The following PPP3CA variants were observed in gnomAD, a reference collection of about 807,000 sequenced individuals.
PPP3CA encodes the protein CAM-PRP catalytic subunit.
In PPP3CA, 14 loss-of-function variants were observed where a neutral mutation model predicts 66.5. That is an observed-to-expected ratio of 0.21 (90% confidence interval 0.14 to 0.33). The LOEUF (loss-of-function observed/expected upper bound fraction) is 0.33. Among genes scored for constraint, PPP3CA ranks in the 10% least tolerant of loss-of-function variants. The pLI is 1.00. For missense variants in PPP3CA, 317 were observed against 639.5 expected, an observed-to-expected ratio of 0.50 and a Z score of 5.44; for synonymous variants, 232 against 226.2, an observed-to-expected ratio of 1.03 and a Z score of -0.23.
intron 1 of PPP3CA, among the ~76,000 whole-genome samples, chr4:101,344,362 A>G (rs1729912728): frequency 6.6e-6 from 1 of 152,216 alleles, no homozygotes; most frequent in Non-Finnish European, 1.5e-5. Flanking sequence ...CAAAAGGTTG[A>G]ATCCAACCTT....
chr4:101,255,999 T>G (rs1365486782), intron 1 of PPP3CA, among the ~76,000 whole-genome samples: 1 of 151,936 alleles, frequency 6.6e-6, no homozygotes, highest in East Asian at 1.9e-4. Flanking sequence ...GCCTAAACTA[T>G]GGTCATTAGA....
intron 5 of PPP3CA, among the ~76,000 whole-genome samples, chr4:101,096,443 G>C (rs1023178009): frequency 2.6e-5 from 4 of 152,136 alleles, no homozygotes; most frequent in Non-Finnish European, 5.9e-5. Context: ...CAACCTTTTT[G>C]CTGGTGATTG....
chr4:101,043,223 A>G (rs1727607428), intron 10 of PPP3CA, among the ~76,000 whole-genome samples: 1 of 152,178 alleles, frequency 6.6e-6, no homozygotes, highest in Non-Finnish European at 1.5e-5. Context: ...AAAAATATAT[A>G]TGAAGAATAA....
chr4:101,137,109 T>A (rs187831556), intron 2 of PPP3CA, among the ~76,000 whole-genome samples: 1 of 152,286 alleles, frequency 6.6e-6, no homozygotes, highest in East Asian at 1.9e-4. Context: ...TAGTATAATT[T>A]TCCTTGACTG....
At chr4:101,249,490 T>G (rs1013393021) in intron 1 of PPP3CA, among the ~76,000 whole-genome samples, 6 of 151,976 alleles carry the variant, frequency 3.9e-5, no homozygotes, top group Non-Finnish European at 7.4e-5. Flanking sequence ...GTGTGTGTGT[T>G]TTTTAGTACA....
In PPP3CA at chr4:101,121,798, T is replaced by C. The variant is rs969057413; in HGVS notation, c.260-12720A>G. On this transcript the variant is annotated intron_variant, in intron 2 of 13. Transcript: ENST00000394854. ...ATACAACTGATTTTCTCAAGGAACA[T>C]AGAGTATGCTTGGGATATACAGACT... Among the ~76,000 whole-genome samples the C allele has an allele frequency of 3.9e-5, 6 of 152,132 alleles. No individual in the cohort carries two copies. In the East Asian group the frequency reaches 1.2e-3, roughly 29 times the overall value.
intron 11 of PPP3CA, among the ~76,000 whole-genome samples, chr4:101,034,150 T>C (rs1727137654): frequency 6.6e-6 from 1 of 152,160 alleles, no homozygotes; most frequent in African/African-American, 2.4e-5. Context: ...CACACTCTCC[T>C]GTTCGCACCC....
At chr4:101,188,697 CTT>C (rs567569702) in intron 2 of PPP3CA, among the ~76,000 whole-genome samples, 50 of 152,170 alleles carry the variant, frequency 3.3e-4, no homozygotes, top group African/African-American at 1.1e-3. Context: ...AACAGACTGA[CTT>C]AGGTATCAAA....
At chr4:101,251,420 G>T (rs543842287) in intron 1 of PPP3CA, among the ~76,000 whole-genome samples, 2 of 151,324 alleles carry the variant, frequency 1.3e-5, no homozygotes, top group African/African-American at 2.4e-5. Context: ...TGACTGACAC[G>T]CAGTATTCTT....
intron 9 of PPP3CA, 50 bp from the exon 10 acceptor site, chr4:101,061,211 T>C: frequency 6.7e-7 from 1 of 1,482,852 alleles, no homozygotes; most frequent in Non-Finnish European, 9.4e-7. Flanking sequence ...TGTTATAACC[T>C]TAACTATTAC....
intron 10 of PPP3CA, among the ~76,000 whole-genome samples, chr4:101,058,218 T>A (rs1728308545): frequency 6.6e-6 from 1 of 152,194 alleles, no homozygotes; most frequent in Non-Finnish European, 1.5e-5. Context: ...GGACTTTTAA[T>A]ATGCATTGAA....
rs144761118 is a variant in PPP3CA, at chr4:101,311,735, G to A, written c.58+35004C>T. Among the ~76,000 whole-genome samples, 239 of 152,292 alleles carry A rather than the reference G, an allele frequency of 1.6e-3. 1 individual carries two copies. Among genetic ancestry groups the A allele is most frequent in the African/African-American group, 5.3e-3 (222 of 41,558 alleles). On this transcript the variant is annotated intron_variant, in intron 1 of 13. Transcript: ENST00000394854. Reference sequence around the variant, plus strand: ...GTGGAAGTTGCAGTGATCTGAGATCGTGCCACTGCACTTCAGCCTGGGGGA... The same window carrying A: ...GTGGAAGTTGCAGTGATCTGAGATCATGCCACTGCACTTCAGCCTGGGGGA...
intron 2 of PPP3CA, among the ~76,000 whole-genome samples, chr4:101,167,799 C>G (rs1029415531): frequency 6.6e-6 from 1 of 152,048 alleles, no homozygotes; most frequent in African/African-American, 2.4e-5. Flanking sequence ...AGGACACAAA[C>G]TACAGAACAT....
chr4:101,242,895 C>T (rs1318925327), intron 1 of PPP3CA, among the ~76,000 whole-genome samples: 1 of 152,092 alleles, frequency 6.6e-6, no homozygotes, highest in Non-Finnish European at 1.5e-5. Flanking sequence ...ATACTGCACT[C>T]CAGCCTAGGT....
chr4:101,182,095 A>G (rs891345241), intron 2 of PPP3CA, among the ~76,000 whole-genome samples: 6 of 152,188 alleles, frequency 3.9e-5, no homozygotes. Context: ...TAATTGCATA[A>G]AAGTATCTCT....
At chr4:101,138,539 T>C (rs1722695465) in intron 2 of PPP3CA, among the ~76,000 whole-genome samples, 1 of 152,228 alleles carries the variant, frequency 6.6e-6, no homozygotes, top group Non-Finnish European at 1.5e-5. Flanking sequence ...AATATTTATC[T>C]ACTGAAAAGT....
chr4:101,027,382 T>C (rs1726706408), intron 13 of PPP3CA, among the ~76,000 whole-genome samples: 1 of 152,126 alleles, frequency 6.6e-6, no homozygotes, highest in South Asian at 2.1e-4. Flanking sequence ...GTTGTTTCAA[T>C]ACTCATTAAA....
intron 2 of PPP3CA, chr4:101,171,365 A>C (rs1256904804): frequency 2.8e-5 from 10 of 351,882 alleles, no homozygotes; most frequent in African/African-American, 8.6e-5. Flanking sequence ...AAAAAAAAAA[A>C]CCCTTCAAAG....
At chr4:101,290,302 T>C (rs1727982298) in intron 1 of PPP3CA, among the ~76,000 whole-genome samples, 1 of 152,216 alleles carries the variant, frequency 6.6e-6, no homozygotes, top group African/African-American at 2.4e-5. Context: ...TCCCAGGAAT[T>C]TCCTTTGGTC....
Sources: allele counts gnomAD v4.1 joint callset (sites outside exome capture counted in the v4.1 genomes callset), GRCh38; gene constraint gnomAD v4.1.1; transcripts MANE v1.5; gene names NCBI Gene and HGNC (gene_info 2026-07-23, HGNC 2026-07-21).